SEMA3E: variants seen among roughly 807,000 people sequenced by gnomAD.
SEMA3E encodes semaphorin-3E.
A neutral mutation model predicts 93.6 loss-of-function variants in SEMA3E; 49 were observed. The ratio of observed to expected loss-of-function variants is 0.52; its 90% CI spans 0.42 to 0.66. SEMA3E has a LOEUF of 0.66. Among genes scored for constraint, SEMA3E ranks in the 30% least tolerant of loss-of-function variants. The probability of loss-of-function intolerance (pLI) is 0.00; values close to 1 mark genes in which losing one functional copy is unlikely to be tolerated. For missense variants in SEMA3E, 906 were observed against 964.8 expected (o/e 0.94, Z 0.81); for synonymous variants, 363 against 330.7 (o/e 1.10, Z -1.06).
intron 5 of SEMA3E, among the ~76,000 whole-genome samples, chr7:83,412,538 A>G (rs911654690): frequency 6.6e-6 from 1 of 151,944 alleles, no homozygotes; most frequent in Non-Finnish European, 1.5e-5. Flanking sequence ...TTGAGTTCAG[A>G]TGTTCAAGAT....
In SEMA3E at chr7:83,532,776, GT is replaced by G. The variant is rs142782932; in HGVS notation, c.116-42503del. Among the ~76,000 whole-genome samples the G allele has an allele frequency of 8.3e-3, 1,220 of 146,244 alleles. 13 individuals carry two copies. The highest frequency in any genetic ancestry group is 0.028 in the African/African-American group (1,090 of 39,440). On this transcript the variant is annotated intron_variant, in intron 1 of 16. Coordinates refer to ENST00000643230, the MANE Select transcript of SEMA3E (RefSeq NM_012431.3). ...TATAATCTGACTGAAATTATTTCCT[GT>G]TTTTTTTTTAAAAAAAGAAAGAAAA...
chr7:83,475,771 C>G (rs938826650), intron 2 of SEMA3E, among the ~76,000 whole-genome samples: 1 of 152,190 alleles, frequency 6.6e-6, no homozygotes, highest in African/African-American at 2.4e-5. Flanking sequence ...AGACCCTTCA[C>G]AGTTTTTGTC....
intron 16 of SEMA3E, among the ~76,000 whole-genome samples, chr7:83,378,558 A>G (rs1488452281): frequency 1.3e-5 from 2 of 151,948 alleles, no homozygotes; most frequent in Admixed American, 6.6e-5. Context: ...ACAGAGCACC[A>G]TTCATCACTT....
chr7:83,571,634 G>T (rs889729597), intron 1 of SEMA3E, among the ~76,000 whole-genome samples: 1 of 152,132 alleles, frequency 6.6e-6, no homozygotes, highest in African/African-American at 2.4e-5. Context: ...ATGAGCAAAG[G>T]CTGGAACTAT....
intron 1 of SEMA3E, among the ~76,000 whole-genome samples, chr7:83,526,446 A>G (rs1791161657): frequency 6.6e-6 from 1 of 152,128 alleles, no homozygotes; most frequent in Non-Finnish European, 1.5e-5. Context: ...ATATTGGATA[A>G]GGTAGAAGAT....
At chr7:83,462,243 C>A (rs956576739) in intron 4 of SEMA3E, 2 of 152,200 alleles carry the variant, frequency 1.3e-5, no homozygotes, top group East Asian at 1.9e-4. Context: ...AATATGGAGG[C>A]TACCCACTCC....
At chr7:83,472,423 GTAAC>G (rs34300888) in intron 2 of SEMA3E, among the ~76,000 whole-genome samples, 66,709 of 151,634 alleles carry the variant, frequency 0.44, 16,041 homozygotes, top group East Asian at 0.66. Flanking sequence ...ATCCATTTGA[GTAAC>G]TAACTGTAGC....
rs919237294 is a variant in SEMA3E, at chr7:83,609,735, A to G, written c.115+38693T>C. Among the ~76,000 whole-genome samples, 15 of 152,134 alleles carry G rather than the reference A, an allele frequency of 9.9e-5. 1 individual carries two copies. The highest frequency in any genetic ancestry group is 2.0e-4 in the Admixed American group (3 of 15,266). ...AAACTTGGTTTATTTAAAACTCATTAAAAACAATCTTGCATAAAACTTGTT... is the reference window on the plus strand; with the variant it reads ...AAACTTGGTTTATTTAAAACTCATTGAAAACAATCTTGCATAAAACTTGTT... On this transcript the variant is annotated intron_variant, in intron 1 of 16. Transcript: ENST00000643230.
chr7:83,547,569 G>T (rs910399168), intron 1 of SEMA3E, among the ~76,000 whole-genome samples: 1 of 152,020 alleles, frequency 6.6e-6, no homozygotes, highest in Non-Finnish European at 1.5e-5. Flanking sequence ...GAGCTGGTCC[G>T]CTGTGGTCAG....
At chr7:83,478,930 A>G (rs1421500587) in intron 2 of SEMA3E, among the ~76,000 whole-genome samples, 1 of 152,100 alleles carries the variant, frequency 6.6e-6, no homozygotes, top group East Asian at 1.9e-4. Context: ...CTCTATTCTC[A>G]TTTTCCATCC....
intron 9 of SEMA3E, among the ~76,000 whole-genome samples, chr7:83,402,991 T>C (rs989843798): frequency 6.6e-6 from 1 of 152,002 alleles, no homozygotes; most frequent in Admixed American, 6.6e-5. Context: ...TTAATACACT[T>C]GAAGATGACA....
chr7:83,456,868 C>T (rs1789492583), intron 4 of SEMA3E, among the ~76,000 whole-genome samples: 1 of 152,090 alleles, frequency 6.6e-6, no homozygotes, highest in African/African-American at 2.4e-5. Context: ...TCAGCCTTGG[C>T]CTCCCAAAGT....
At chr7:83,550,569 A>G (rs1033758750) in intron 1 of SEMA3E, among the ~76,000 whole-genome samples, 1 of 152,148 alleles carries the variant, frequency 6.6e-6, no homozygotes, top group African/African-American at 2.4e-5. Flanking sequence ...AGAAGCTATT[A>G]TCTGACATTC....
intron 16 of SEMA3E, among the ~76,000 whole-genome samples, chr7:83,377,326 G>A (rs534890938): frequency 2.9e-4 from 44 of 151,938 alleles, no homozygotes; most frequent in Non-Finnish European, 5.2e-4. Flanking sequence ...CTTTACTTGT[G>A]TATGCATTTT....
At chr7:83,456,936 T>C (rs761119368) in intron 4 of SEMA3E, among the ~76,000 whole-genome samples, 1 of 152,184 alleles carries the variant, frequency 6.6e-6, no homozygotes, top group Admixed American at 6.5e-5. Flanking sequence ...CTTGATTAAA[T>C]TAATGATATT....
chr7:83,507,759 G>A (rs1790734749), intron 1 of SEMA3E, among the ~76,000 whole-genome samples: 2 of 151,402 alleles, frequency 1.3e-5, no homozygotes, highest in South Asian at 4.2e-4. Context: ...GCAACATAGT[G>A]AGACCTCATC....
chr7:83,614,576 CT>C (rs1485671902), intron 1 of SEMA3E, among the ~76,000 whole-genome samples: 2 of 152,068 alleles, frequency 1.3e-5, no homozygotes, highest in East Asian at 3.9e-4. Context: ...CCCCCAAAAT[CT>C]TAGTGGCTTA....
At chr7:83,423,192 T>G (rs1417178453) in intron 4 of SEMA3E, among the ~76,000 whole-genome samples, 1 of 152,186 alleles carries the variant, frequency 6.6e-6, no homozygotes, top group East Asian at 1.9e-4. Context: ...CACAAATCTG[T>G]GCAATACGTA....
At chr7:83,564,687 T>C (rs1562834514) in intron 1 of SEMA3E, among the ~76,000 whole-genome samples, 1 of 152,224 alleles carries the variant, frequency 6.6e-6, no homozygotes, top group Non-Finnish European at 1.5e-5. Flanking sequence ...TCTGTTTTTT[T>C]AACTTCTATA....
Sources: allele counts gnomAD v4.1 joint callset (sites outside exome capture counted in the v4.1 genomes callset), GRCh38; gene constraint gnomAD v4.1.1; transcripts MANE v1.5; gene names NCBI Gene and HGNC (gene_info 2026-07-23, HGNC 2026-07-21).